GNA12: variants seen among roughly 807,000 people sequenced by gnomAD.
The protein encoded by GNA12 is G protein subunit alpha 12.
A neutral mutation model predicts 26.0 loss-of-function variants in GNA12; 9 were observed. That is an observed-to-expected ratio of 0.35 (90% CI 0.21 to 0.60). The LOEUF is 0.60. Among genes scored for constraint, GNA12 ranks in the 20% least tolerant of loss-of-function variants. GNA12 has a pLI of 0.78. For synonymous variants in GNA12, 264 were observed against 219.6 expected, an observed-to-expected ratio of 1.20 and a Z score of -1.79; for missense variants, 405 against 525.8, an observed-to-expected ratio of 0.77 and a Z score of 2.25.
intron 3 of GNA12, 133 bp downstream of exon 3, chr7:2,733,318 A>G (rs578218482): frequency 3.0e-4 from 221 of 733,902 alleles, no homozygotes; most frequent in Non-Finnish European, 4.7e-4. Context: ...TTACAGTACT[A>G]TTCGTGGTAA....
At chr7:2,763,853 T>A (rs1791689748) in intron 2 of GNA12, among the ~76,000 whole-genome samples, 1 of 152,208 alleles carries the variant, frequency 6.6e-6, no homozygotes, top group Non-Finnish European at 1.5e-5. Context: ...GTGGCCTCCA[T>A]GGCTGGCAGA....
intron 1 of GNA12, among the ~76,000 whole-genome samples, chr7:2,798,729 GTCTA>G (rs1792737648): frequency 6.6e-6 from 1 of 152,200 alleles, no homozygotes; most frequent in Admixed American, 6.5e-5. Flanking sequence ...GGAACAATCA[GTCTA>G]TCTGATTTTA....
rs147494411 is a variant in GNA12, at chr7:2,769,123, C to T, written c.525+25805G>A. Among the ~76,000 whole-genome samples, 774 of 152,158 alleles carry T rather than the reference C, an allele frequency of 5.1e-3. 6 individuals carry two copies. Among genetic ancestry groups the T allele is most frequent in the African/African-American group, 0.018 (727 of 41,514 alleles). On this transcript the variant is annotated intron_variant, in intron 2 of 3. Transcript: ENST00000275364. ...TTCACCATGGTAGCCAGGCTGGTCT[C>T]GAACTCCTAACCTCAAGTGATCCAA... is the stretch of plus-strand genomic sequence containing the variant.
At chr7:2,810,707 G>A (rs941304944) in intron 1 of GNA12, among the ~76,000 whole-genome samples, 1 of 152,130 alleles carries the variant, frequency 6.6e-6, no homozygotes, top group African/African-American at 2.4e-5. Flanking sequence ...TGGCCAACAT[G>A]TTAAAGCCCT....
intron 3 of GNA12, among the ~76,000 whole-genome samples, chr7:2,732,112 C>CAAA (rs1789926798): frequency 6.6e-6 from 1 of 152,120 alleles, no homozygotes; most frequent in Non-Finnish European, 1.5e-5. Context: ...TTATAGCTTC[C>CAAA]AAAACCTTAC....
chr7:2,799,985 A>C (rs186475054), intron 1 of GNA12, among the ~76,000 whole-genome samples: 1 of 152,344 alleles, frequency 6.6e-6, no homozygotes, highest in African/African-American at 2.4e-5. Flanking sequence ...ATAACTACTA[A>C]AAATGCAACT....
At chr7:2,764,052 C>G (rs1406291460) in intron 2 of GNA12, among the ~76,000 whole-genome samples, 5 of 151,978 alleles carry the variant, frequency 3.3e-5, no homozygotes, top group Non-Finnish European at 7.4e-5. Context: ...TGCTGGTGTC[C>G]TCTGATTGGT....
intron 2 of GNA12, among the ~76,000 whole-genome samples, chr7:2,792,880 G>T (rs764733039): frequency 1.3e-5 from 2 of 152,086 alleles, no homozygotes; most frequent in Non-Finnish European, 2.9e-5. Context: ...CTATTTGCAG[G>T]GTCTCAATGT....
chr7:2,787,164 T>G (rs1345214726), intron 2 of GNA12, among the ~76,000 whole-genome samples: 1 of 152,136 alleles, frequency 6.6e-6, no homozygotes, highest in Non-Finnish European at 1.5e-5. Flanking sequence ...CCTGAAGCTG[T>G]GTGAGCAATA....
intron 2 of GNA12, among the ~76,000 whole-genome samples, chr7:2,780,006 G>A (rs2054358413): frequency 6.9e-6 from 1 of 144,228 alleles, no homozygotes; most frequent in African/African-American, 2.6e-5. Flanking sequence ...GTAGCTCAGT[G>A]GATGTACTTA....
At chr7:2,806,108 G>A (rs1156587677) in intron 1 of GNA12, among the ~76,000 whole-genome samples, 2 of 152,154 alleles carry the variant, frequency 1.3e-5, no homozygotes, top group Non-Finnish European at 2.9e-5. Flanking sequence ...AAAATCTGAA[G>A]TACACACGTG....
chr7:2,741,352 C>G (rs1222696800), intron 2 of GNA12, among the ~76,000 whole-genome samples: 1 of 152,106 alleles, frequency 6.6e-6, no homozygotes, highest in Non-Finnish European at 1.5e-5. Flanking sequence ...GAGACACTGT[C>G]TCTTAAAAAA....
chr7:2,817,449 G>T (rs577067251), intron 1 of GNA12, among the ~76,000 whole-genome samples: 1 of 152,134 alleles, frequency 6.6e-6, no homozygotes, highest in Admixed American at 6.6e-5. Flanking sequence ...TACACAGCCT[G>T]CAAGACTGTA....
chr7:2,732,507 C>G (rs576816978), intron 3 of GNA12, among the ~76,000 whole-genome samples: 1 of 152,290 alleles, frequency 6.6e-6, no homozygotes, highest in East Asian at 1.9e-4. Flanking sequence ...GATCGTGCCA[C>G]TGTACTCCAG....
At chr7:2,764,637 G>C (rs1791728619) in intron 2 of GNA12, 1 of 152,260 alleles carries the variant, frequency 6.6e-6, no homozygotes, top group South Asian at 2.1e-4. Flanking sequence ...GGTCTCATCA[G>C]AGCTGAGGCT....
rs1189280708 is a variant in GNA12 at position 2,842,143 on chromosome 7, AAAG to A, written c.309+1707_309+1709del. Among the ~76,000 whole-genome samples the A allele has an allele frequency of 9.5e-5, 9 of 94,314 alleles. 1 individual carries two copies. Among genetic ancestry groups the A allele is most frequent in the Admixed American group, 6.6e-4 (6 of 9,050 alleles). The allele number at this position is 94,314 out of a possible 152,430, so 61.9% of individuals were successfully genotyped here. On this transcript the variant is annotated intron_variant, in intron 1 of 3. Transcript: ENST00000275364. Reference sequence around the variant, plus strand: ...AGGAAGAAAAGAAAGGAAGGAAAGAAAAGAAGGAAAGGAAGGAAGGAAAAAGGG... The same window carrying A: ...AGGAAGAAAAGAAAGGAAGGAAAGAAAAGGAAAGGAAGGAAGGAAAAAGGG...
intron 1 of GNA12, among the ~76,000 whole-genome samples, chr7:2,801,450 A>G (rs1460193297): frequency 1.3e-5 from 2 of 152,190 alleles, no homozygotes; most frequent in African/African-American, 4.8e-5. Flanking sequence ...GGGTGAACAT[A>G]GGTTTGGCTT....
chr7:2,797,344 A>G (rs976058999), intron 1 of GNA12, among the ~76,000 whole-genome samples: 5 of 151,884 alleles, frequency 3.3e-5, no homozygotes, highest in African/African-American at 9.7e-5. Context: ...GGGTCTCACT[A>G]TATTGCCCAG....
intron 2 of GNA12, among the ~76,000 whole-genome samples, chr7:2,792,851 A>T (rs1792555203): frequency 6.6e-6 from 1 of 152,206 alleles, no homozygotes. Context: ...TTACAGGCAA[A>T]AGCCTGAGGA....
Sources: allele counts gnomAD v4.1 joint callset (sites outside exome capture counted in the v4.1 genomes callset), GRCh38; gene constraint gnomAD v4.1.1; transcripts MANE v1.5; gene names NCBI Gene and HGNC (gene_info 2026-07-23, HGNC 2026-07-21).